The following ACAD10 variants were observed in gnomAD, a reference collection of about 807,000 sequenced individuals.
The protein encoded by ACAD10 is acyl-CoA dehydrogenase family member 10.
In ACAD10, 112 loss-of-function variants were observed where a neutral mutation model predicts 116.8. The ratio of observed to expected loss-of-function variants is 0.96; its 90% CI spans 0.82 to 1.12. The LOEUF (loss-of-function observed/expected upper bound fraction) is 1.12, where lower values mean the gene tolerates loss of function less well. Ranked by LOEUF, ACAD10 falls within the 50% of genes most tolerant of loss-of-function variation. The pLI is 0.00. For missense variants in ACAD10, 1,259 were observed against 1,350.2 expected (o/e 0.93, Z 1.06); for synonymous variants, 486 against 510.6 (o/e 0.95, Z 0.65).
At chr12:111,723,352 G>A (rs1488590880) in intron 8 of ACAD10, among the ~76,000 whole-genome samples, 17 of 139,710 alleles carry the variant, frequency 1.2e-4, no homozygotes, top group South Asian at 6.8e-4. Context: ...CAGACGGGGC[G>A]GCTGTCCAGG....
At position 111,747,116 on chromosome 12, in the gene ACAD10, A is replaced by T. The variant is rs1032248158; in HGVS notation, c.2324A>T (p.Gln775Leu). The change falls in exon 15 of 21, where the codon CAG becomes CTG. Residue 775 changes from glutamine (Q) to leucine (L), a missense_variant. Coordinates refer to ENST00000313698, the MANE Select transcript of ACAD10 (RefSeq NM_025247.6). ...CTGGTGAGGTATGGCACCGAAGCGC[A>T]GAAGGCTCGCTGGCTGATTCCTCTG... The part of the protein sequence containing the change: ...ELLVRYGTEA[Q>L]KARWLIPLLE... 4.3e-6 allele frequency: 7 copies of T among 1,613,360 alleles called. No individual in the cohort carries two copies. Among genetic ancestry groups the T allele is most frequent in the Admixed American group, 1.7e-5 (1 of 59,944 alleles).
chr12:111,695,310 A>G (rs140685463), intron 2 of ACAD10, among the ~76,000 whole-genome samples: 111 of 152,304 alleles, frequency 7.3e-4, no homozygotes, highest in Admixed American at 1.6e-3. Flanking sequence ...TTAAGGGGAT[A>G]TTATTCAGCA....
chr12:111,712,700 G>A (rs537513713), intron 6 of ACAD10, 43 bp downstream of exon 6: 17 of 1,596,186 alleles, frequency 1.1e-5, no homozygotes, highest in South Asian at 8.9e-5. Flanking sequence ...TCTCCAAGGC[G>A]AAGGTTTTGG....
chr12:111,738,246 A>G (rs1443761933), intron 12 of ACAD10, among the ~76,000 whole-genome samples: 1 of 152,052 alleles, frequency 6.6e-6, no homozygotes, highest in Non-Finnish European at 1.5e-5. Context: ...CATCTTGTCT[A>G]TCCAGCCTAC....
chr12:111,733,564 ACT>A (rs1889462131), intron 10 of ACAD10, among the ~76,000 whole-genome samples: 5 of 151,872 alleles, frequency 3.3e-5, no homozygotes. Flanking sequence ...CAAGCATTAG[ACT>A]CTACCTTTTG....
At chr12:111,736,163 G>A (rs1171642300) in intron 11 of ACAD10, among the ~76,000 whole-genome samples, 1 of 146,920 alleles carries the variant, frequency 6.8e-6, no homozygotes, top group Non-Finnish European at 1.5e-5. Flanking sequence ...TTAGAGGCAT[G>A]AGCCACTGCA....
chr12:111,728,178 T>G (rs1196552999), intron 9 of ACAD10, 35 bp downstream of exon 9: 1 of 1,557,390 alleles, frequency 6.4e-7, no homozygotes, highest in East Asian at 2.3e-5. Flanking sequence ...TGCTGGTTGT[T>G]TCATCACTAG....
chr12:111,756,077 C>T (rs960413865), intron 20 of ACAD10: 33 of 1,309,768 alleles, frequency 2.5e-5, no homozygotes, highest in Non-Finnish European at 3.3e-5. Context: ...GGGGCCGCCT[C>T]CTTAGATCCT....
chr12:111,737,829 G>A (rs1889615271), intron 12 of ACAD10, among the ~76,000 whole-genome samples: 1 of 151,306 alleles, frequency 6.6e-6, no homozygotes, highest in African/African-American at 2.4e-5. Flanking sequence ...AACTATATGA[G>A]GCAAATTTCT....
At chr12:111,702,445 C>G in intron 3 of ACAD10, 135 bp downstream of exon 3, 1 of 1,284,744 alleles carries the variant, frequency 7.8e-7, no homozygotes, top group Non-Finnish European at 1.1e-6. Flanking sequence ...AAAGTTATTT[C>G]TTAGGCCAGG....
Position 111,756,299 on chromosome 12 carries a change from C to T in ACAD10, c.3040-34C>T, listed in dbSNP as rs781726033. 28 of 1,551,502 alleles carry T rather than the reference C, an allele frequency of 1.8e-5. No homozygotes were observed. The East Asian group carries it at 5.2e-4, about 29-fold the overall frequency. On this transcript the variant is annotated intron_variant, in intron 20 of 20. Transcript: ENST00000313698. ...GGGGCTCTCGGAGACAAGGGCTGACCCAGGGCCGCCTCCCTCCACTCTGTG... is the reference window on the plus strand; with the variant it reads ...GGGGCTCTCGGAGACAAGGGCTGACTCAGGGCCGCCTCCCTCCACTCTGTG...
At chr12:111,719,867 A>G (rs1035393122) in intron 7 of ACAD10, among the ~76,000 whole-genome samples, 27 of 152,036 alleles carry the variant, frequency 1.8e-4, no homozygotes, top group African/African-American at 6.3e-4. Flanking sequence ...AGATGGGACT[A>G]CAGGTGCCCA....
At chr12:111,696,555 C>G (rs1339926355) in intron 2 of ACAD10, among the ~76,000 whole-genome samples, 1 of 152,132 alleles carries the variant, frequency 6.6e-6, no homozygotes, top group Non-Finnish European at 1.5e-5. Context: ...TGCTTTTACC[C>G]TGTACTGGCA....
intron 8 of ACAD10, among the ~76,000 whole-genome samples, chr12:111,726,208 C>T (rs143418951): frequency 0.016 from 2,375 of 152,108 alleles, 71 homozygotes; most frequent in African/African-American, 0.054. Context: ...AGGCCAAGAT[C>T]GCACCACTGC....
At chr12:111,696,595 T>G (rs1566140932) in intron 2 of ACAD10, among the ~76,000 whole-genome samples, 1 of 152,212 alleles carries the variant, frequency 6.6e-6, no homozygotes, top group Non-Finnish European at 1.5e-5. Context: ...GGGTCCGTAA[T>G]GCTTTCAAAG....
chr12:111,709,917 G>T (rs957459200), intron 5 of ACAD10: 2 of 495,838 alleles, frequency 4.0e-6, no homozygotes, highest in Non-Finnish European at 7.1e-6. Context: ...AGATGGGAAA[G>T]GAGGTGAATG....
intron 18 of ACAD10, among the ~76,000 whole-genome samples, chr12:111,752,281 G>A (rs1427123021): frequency 6.8e-6 from 1 of 147,866 alleles, no homozygotes; most frequent in African/African-American, 2.4e-5. Flanking sequence ...ATAATGTTTT[G>A]TTGTTGTTGT....
At chr12:111,741,854 G>A (rs1889752401) in intron 12 of ACAD10, among the ~76,000 whole-genome samples, 1 of 152,182 alleles carries the variant, frequency 6.6e-6, no homozygotes, top group African/African-American at 2.4e-5. Context: ...GCTTAGAGAA[G>A]GGGTATCTGT....
chr12:111,756,804 G>A lies in ACAD10; in HGVS notation c.*331G>A. 2.0e-6 allele frequency: 1 copy of A among 492,406 alleles called. No individual in the cohort carries two copies. Among genetic ancestry groups the A allele is most frequent in the South Asian group, 1.5e-5 (1 of 64,860 alleles). The allele number at this position is 492,406 out of a possible 1,614,324, so 30.5% of individuals were successfully genotyped here. ...TCAGCCTTTCAGTCCCTCTCTCTCT[G>A]CCTGTGGGAATCTGGACACATTTTG... On this transcript the variant is annotated 3_prime_UTR_variant, in exon 21 of 21. Coordinates refer to ENST00000313698, the MANE Select transcript of ACAD10 (RefSeq NM_025247.6).
Sources: gnomAD v4.1 joint callset for allele counts (sites outside exome capture counted in the v4.1 genomes callset) on GRCh38, gnomAD v4.1.1 for gene constraint, MANE v1.5 for transcripts, NCBI Gene and HGNC (gene_info 2026-07-23, HGNC 2026-07-21) for gene names.